Variants in CTBP2 observed in about 807,000 individuals in gnomAD.
The protein encoded by CTBP2 is C-terminal-binding protein 2.
A neutral mutation model predicts 80.3 loss-of-function variants in CTBP2; 30 were observed. The observed-to-expected ratio is 0.37, with a 90% confidence interval of 0.28 to 0.51. CTBP2 has a LOEUF of 0.51. Ranked by LOEUF, CTBP2 falls within the 20% of genes least tolerant of loss-of-function variation. CTBP2 has a pLI of 0.93. For synonymous variants in CTBP2, 594 were observed against 587.4 expected (o/e 1.01, Z -0.16); for missense variants, 1,212 against 1,375.3 (o/e 0.88, Z 1.88).
chr10:125,060,133 G>A (rs550964837), intron 2 of CTBP2, among the ~76,000 whole-genome samples: 2 of 152,272 alleles, frequency 1.3e-5, no homozygotes, highest in South Asian at 4.1e-4. Context: ...TGGAGAATGT[G>A]AACATATGTG....
intron 2 of CTBP2, among the ~76,000 whole-genome samples, chr10:125,061,025 C>T (rs775631297): frequency 2.6e-5 from 4 of 152,184 alleles, no homozygotes; most frequent in South Asian, 2.1e-4. Flanking sequence ...TCCCGGCTCC[C>T]GGCAACCCTC....
chr10:125,079,063 C>T (rs945828157), intron 2 of CTBP2, among the ~76,000 whole-genome samples: 1 of 147,332 alleles, frequency 6.8e-6, no homozygotes, highest in African/African-American at 2.5e-5. Context: ...ACGAGAATTG[C>T]TTGAACCCAG....
At chr10:125,146,827 C>T (rs537283055) in intron 1 of CTBP2, among the ~76,000 whole-genome samples, 1 of 152,294 alleles carries the variant, frequency 6.6e-6, no homozygotes, top group East Asian at 1.9e-4. Context: ...TTTGGTGATG[C>T]TGTACGCACA....
rs1855380167 is a variant in CTBP2, at chr10:125,126,939, T to TCC, written c.-205-15847_-205-15846insGG. On this transcript the variant is annotated intron_variant, in intron 1 of 10. Coordinates refer to the CTBP2 transcript ENST00000337195. ...CACACACACATTCTCTCTCTCTCTCTCTCTCTCTCTACTCTACTCTGTCCA... is the reference window on the plus strand; with the variant it reads ...CACACACACATTCTCTCTCTCTCTCTCCCTCTCTCTCTACTCTACTCTGTCCA... Among the ~76,000 whole-genome samples, 3 of 152,102 alleles carry TCC rather than the reference T, an allele frequency of 2.0e-5. No homozygotes were observed. The South Asian group carries it at 6.2e-4, about 32-fold the overall frequency.
At chr10:125,000,400 T>C (rs1954294892) in intron 3 of CTBP2, 1 of 152,140 alleles carries the variant, frequency 6.6e-6, no homozygotes, top group African/African-American at 2.4e-5. Flanking sequence ...CCTCCCAGCA[T>C]CCACGGAGCC....
intron 2 of CTBP2, among the ~76,000 whole-genome samples, chr10:125,094,951 G>A (rs1849331192): frequency 6.6e-6 from 1 of 151,924 alleles, no homozygotes; most frequent in South Asian, 2.1e-4. Flanking sequence ...CAGACGACGA[G>A]CATGGGGGTG....
chr10:125,122,262 T>C (rs973282997), intron 1 of CTBP2, among the ~76,000 whole-genome samples: 2 of 152,256 alleles, frequency 1.3e-5, no homozygotes. Context: ...TCAGCATGGA[T>C]GTTCATGAGG....
intron 2 of CTBP2, among the ~76,000 whole-genome samples, chr10:125,087,417 G>A (rs1022342875): frequency 6.6e-6 from 1 of 152,086 alleles, no homozygotes; most frequent in Non-Finnish European, 1.5e-5. Flanking sequence ...GAAGGTCAGT[G>A]GCATGATGCG....
chr10:125,022,808 G>A (rs574109371), intron 1 of CTBP2, among the ~76,000 whole-genome samples: 84 of 152,346 alleles, frequency 5.5e-4, no homozygotes, highest in Non-Finnish European at 9.4e-4. Context: ...AGGTTTAAGG[G>A]TCAAGACCCT....
At chr10:125,056,849 T>C (rs1964040346) in intron 2 of CTBP2, among the ~76,000 whole-genome samples, 1 of 152,244 alleles carries the variant, frequency 6.6e-6, no homozygotes, top group Non-Finnish European at 1.5e-5. Context: ...CCAGTCCGTG[T>C]CTGTGGCCCC....
Position 125,157,683 on chromosome 10 carries a change from A to T in CTBP2, c.-206+2636T>A, listed in dbSNP as rs147139852. On this transcript the variant is annotated intron_variant, in intron 1 of 10. Coordinates refer to the CTBP2 transcript ENST00000337195. Reference sequence around the variant, plus strand: ...GACCCAACATCAACACTTACACTCTACAGAAATATGCTGGCTTATTTCCTT... The same window carrying T: ...GACCCAACATCAACACTTACACTCTTCAGAAATATGCTGGCTTATTTCCTT... 3.0e-3 allele frequency among the ~76,000 whole-genome samples: 459 copies of T among 152,294 alleles called. 3 individuals carry two copies. The highest frequency in any genetic ancestry group is 0.027 in the Middle Eastern group (8 of 294).
At chr10:125,123,068 A>G (rs1180844448) in intron 1 of CTBP2, among the ~76,000 whole-genome samples, 4 of 152,208 alleles carry the variant, frequency 2.6e-5, no homozygotes, top group Non-Finnish European at 5.9e-5. Flanking sequence ...AGGCTTAGAG[A>G]CCAGGAAGTA....
intron 2 of CTBP2, among the ~76,000 whole-genome samples, chr10:125,046,368 C>T (rs956856484): frequency 1.3e-5 from 2 of 152,006 alleles, no homozygotes; most frequent in African/African-American, 4.8e-5. Context: ...GAAACCCCAT[C>T]TCTACTAAAA....
intron 2 of CTBP2, among the ~76,000 whole-genome samples, chr10:125,047,695 T>C (rs142942115): frequency 0.012 from 1,841 of 152,362 alleles, 22 homozygotes; most frequent in South Asian, 0.033. Flanking sequence ...ATTGTAACCA[T>C]ATTATAGAAC....
chr10:125,142,102 C>A (rs960655239), intron 1 of CTBP2, among the ~76,000 whole-genome samples: 1 of 152,206 alleles, frequency 6.6e-6, no homozygotes, highest in Non-Finnish European at 1.5e-5. Flanking sequence ...TGGCCCAGAA[C>A]TGCCCACTCT....
chr10:125,124,147 G>C (rs1325340965), intron 1 of CTBP2, among the ~76,000 whole-genome samples: 2 of 152,212 alleles, frequency 1.3e-5, no homozygotes, highest in Non-Finnish European at 2.9e-5. Flanking sequence ...CAGATAGCCA[G>C]GGTCAGGGGA....
intron 1 of CTBP2, among the ~76,000 whole-genome samples, chr10:125,118,138 ATAGGAT>A (rs2135998121): frequency 1.3e-5 from 2 of 152,368 alleles, no homozygotes; most frequent in East Asian, 3.9e-4. Context: ...GAAAAATAAA[ATAGGAT>A]ATGTTTCCAG....
chr10:125,098,777 A>G, intron 2 of CTBP2, among the ~76,000 whole-genome samples: 1 of 149,674 alleles, frequency 6.7e-6, no homozygotes, highest in Non-Finnish European at 1.5e-5. Context: ...AGAGAGAGAG[A>G]GACAGAGAGA....
At position 125,150,351 on chromosome 10, in the gene CTBP2, A is replaced by T. The variant is rs375966188; in HGVS notation, c.-206+9968T>A. Among the ~76,000 whole-genome samples, 6 of 152,362 alleles carry T rather than the reference A, an allele frequency of 3.9e-5. No individual in the cohort carries two copies. The South Asian group carries it at 1.2e-3, about 32-fold the overall frequency. ...ACCCTAAGCACTGTGAAAGCTACAC[A>T]CATAACCCCAGGAGAGTGTGCCCAT... On this transcript the variant is annotated intron_variant, in intron 1 of 10. Transcript: ENST00000337195.
Sources: allele counts gnomAD v4.1 joint callset (sites outside exome capture counted in the v4.1 genomes callset), GRCh38; gene constraint gnomAD v4.1.1; transcripts MANE v1.5; gene names NCBI Gene and HGNC (gene_info 2026-07-23, HGNC 2026-07-21).